Variants in EPHA3 observed in about 807,000 individuals in gnomAD.
The protein encoded by EPHA3 is ephrin type-A receptor 3.
In EPHA3, 42 loss-of-function variants were observed where a neutral mutation model predicts 107.1. The observed-to-expected ratio is 0.39, with a 90% CI of 0.31 to 0.51. The LOEUF is 0.51. Among genes scored for constraint, EPHA3 ranks in the 20% least tolerant of loss-of-function variants. The probability of loss-of-function intolerance (pLI) is 0.78; values close to 1 mark genes in which losing one functional copy is unlikely to be tolerated. For synonymous variants in EPHA3, 461 were observed against 424.8 expected, an observed-to-expected ratio of 1.09 and a Z score of -1.05; for missense variants, 1,183 against 1,211.2, an observed-to-expected ratio of 0.98 and a Z score of 0.35.
chr3:89,252,452 T>C (rs991228499), intron 3 of EPHA3, among the ~76,000 whole-genome samples: 6 of 152,224 alleles, frequency 3.9e-5, no homozygotes, highest in African/African-American at 1.4e-4. Context: ...AAGAAACTAT[T>C]TGGGGCCAGA....
At chr3:89,117,978 G>T (rs1317636564) in intron 1 of EPHA3, among the ~76,000 whole-genome samples, 1 of 151,900 alleles carries the variant, frequency 6.6e-6, no homozygotes, top group African/African-American at 2.4e-5. Context: ...AAGTCAGATT[G>T]TTACTCTTTT....
chr3:89,328,890 A>G (rs76056876), intron 3 of EPHA3, among the ~76,000 whole-genome samples: 3 of 151,932 alleles, frequency 2.0e-5, no homozygotes, highest in Non-Finnish European at 4.4e-5. Flanking sequence ...CTCCAGGTAC[A>G]TCGTTCTGGA....
At chr3:89,266,117 C>T (rs1705533249) in intron 3 of EPHA3, among the ~76,000 whole-genome samples, 1 of 152,136 alleles carries the variant, frequency 6.6e-6, no homozygotes. Flanking sequence ...TACCAAGACA[C>T]TCTAAACTCA....
chr3:89,250,773 C>A (rs1352759283), intron 3 of EPHA3, among the ~76,000 whole-genome samples: 1 of 152,146 alleles, frequency 6.6e-6, no homozygotes, highest in South Asian at 2.1e-4. Flanking sequence ...GATGTAAAAT[C>A]CTGCCATATA....
At chr3:89,195,499 T>G (rs1705818014) in intron 2 of EPHA3, among the ~76,000 whole-genome samples, 1 of 152,176 alleles carries the variant, frequency 6.6e-6, no homozygotes, top group Non-Finnish European at 1.5e-5. Context: ...CCCATTACCT[T>G]GAACATAAAA....
At chr3:89,251,771 G>A (rs1055438726) in intron 3 of EPHA3, among the ~76,000 whole-genome samples, 3 of 151,498 alleles carry the variant, frequency 2.0e-5, no homozygotes, top group East Asian at 1.9e-4. Flanking sequence ...TTACTCCTAG[G>A]ATGTGTTCCA....
At chr3:89,308,399 A>G (rs1337558113) in intron 3 of EPHA3, among the ~76,000 whole-genome samples, 2 of 152,180 alleles carry the variant, frequency 1.3e-5, no homozygotes, top group Non-Finnish European at 2.9e-5. Context: ...ATGAAAACAT[A>G]ACAAGAAATT....
chr3:89,437,544 A>G (rs1709697575), intron 13 of EPHA3, among the ~76,000 whole-genome samples: 1 of 152,150 alleles, frequency 6.6e-6, no homozygotes, highest in Non-Finnish European at 1.5e-5. Flanking sequence ...CTTCATTCTA[A>G]CAGAATCATG....
chr3:89,192,732 A>G (rs1381410497), intron 2 of EPHA3, among the ~76,000 whole-genome samples: 3 of 152,028 alleles, frequency 2.0e-5, no homozygotes, highest in Admixed American at 2.0e-4. Context: ...TACAGAGAAA[A>G]CTGGTATATG....
At chr3:89,358,904 T>C (rs1708025277) in intron 5 of EPHA3, among the ~76,000 whole-genome samples, 1 of 151,128 alleles carries the variant, frequency 6.6e-6, no homozygotes, top group South Asian at 2.1e-4. Context: ...ATGTATCTGG[T>C]TTATGAAAGC....
chr3:89,338,585 G>C (rs1401727668), intron 3 of EPHA3, among the ~76,000 whole-genome samples: 1 of 152,210 alleles, frequency 6.6e-6, no homozygotes, highest in Non-Finnish European at 1.5e-5. Flanking sequence ...GTCTCGCTCT[G>C]TCGCCCAGGC....
intron 5 of EPHA3, among the ~76,000 whole-genome samples, chr3:89,384,355 G>A (rs1447575321): frequency 6.6e-6 from 1 of 152,052 alleles, no homozygotes; most frequent in African/African-American, 2.4e-5. Context: ...CCAGTAGATA[G>A]ACATATTTTT....
At chr3:89,224,293 G>T (rs767490433) in intron 3 of EPHA3, among the ~76,000 whole-genome samples, 1 of 152,092 alleles carries the variant, frequency 6.6e-6, no homozygotes, top group Non-Finnish European at 1.5e-5. Context: ...GTGATCATGC[G>T]GTTGACTAAA....
At chr3:89,253,565 C>T (rs942193782) in intron 3 of EPHA3, among the ~76,000 whole-genome samples, 1 of 152,104 alleles carries the variant, frequency 6.6e-6, no homozygotes, top group African/African-American at 2.4e-5. Context: ...GAAATATCCA[C>T]AGGTGGAGGT....
chr3:89,109,244 T>A (rs1707042834), intron 1 of EPHA3, among the ~76,000 whole-genome samples: 1 of 152,088 alleles, frequency 6.6e-6, no homozygotes, highest in African/African-American at 2.4e-5. Flanking sequence ...AAATGACTTT[T>A]TATTTTACAA....
intron 3 of EPHA3, among the ~76,000 whole-genome samples, chr3:89,221,487 C>A (rs1704373953): frequency 6.6e-6 from 1 of 152,154 alleles, no homozygotes; most frequent in African/African-American, 2.4e-5. Flanking sequence ...TATTTATTCT[C>A]TTTATGTACC....
chr3:89,469,477 G>A (rs965144295), intron 15 of EPHA3, among the ~76,000 whole-genome samples: 1 of 152,190 alleles, frequency 6.6e-6, no homozygotes, highest in Non-Finnish European at 1.5e-5. Flanking sequence ...TAGCATGTAG[G>A]TGTAGGGCAC....
At position 89,210,283 on chromosome 3, in the gene EPHA3, G is replaced by T; in HGVS notation, c.577G>T (p.Val193Leu). The T allele has an allele frequency of 6.2e-7, 1 of 1,613,942 alleles. No individual in the cohort carries two copies. The highest frequency in any genetic ancestry group is 8.5e-7 in the Non-Finnish European group (1 of 1,179,930). ...FQDVGACVAL[V>L]SVRVYFKKCP... ...AGATGTTGGTGCTTGTGTTGCCTTG[G>T]TGTCTGTGAGAGTATACTTCAAAAA... is the stretch of plus-strand genomic sequence containing the variant. The change falls in exon 3 of 17, where the codon GTG (valine) becomes TTG (leucine). Residue 193 changes from valine to leucine, a missense_variant. Transcript: ENST00000336596.
At chr3:89,289,375 G>T (rs1706161114) in intron 3 of EPHA3, among the ~76,000 whole-genome samples, 1 of 151,904 alleles carries the variant, frequency 6.6e-6, no homozygotes, top group South Asian at 2.1e-4. Flanking sequence ...ACTCAACATT[G>T]GTACTAAAAA....
Sources: allele counts gnomAD v4.1 joint callset (sites outside exome capture counted in the v4.1 genomes callset), GRCh38; gene constraint gnomAD v4.1.1; transcripts MANE v1.5; gene names NCBI Gene and HGNC (gene_info 2026-07-23, HGNC 2026-07-21).